ZNF710: variants seen among roughly 807,000 people sequenced by gnomAD.
The protein encoded by ZNF710 is zinc finger protein 710.
ZNF710 carries 13 observed loss-of-function variants against 50.6 expected under a neutral mutation model. The observed-to-expected ratio is 0.26, with a 90% CI of 0.17 to 0.41. ZNF710 has a LOEUF of 0.41. ZNF710 is among the 10% of genes least tolerant of loss of function. ZNF710 has a pLI of 1.00. For missense variants in ZNF710, 721 were observed against 936.6 expected, an observed-to-expected ratio of 0.77 and a Z score of 3.01; for synonymous variants, 383 against 397.0, an observed-to-expected ratio of 0.96 and a Z score of 0.42.
At chr15:90,022,068 C>G (rs1596270790) in intron 1 of ZNF710, among the ~76,000 whole-genome samples, 1 of 150,106 alleles carries the variant, frequency 6.7e-6, no homozygotes, top group Non-Finnish European at 1.5e-5. Context: ...GGTTACAGAG[C>G]GAGACTCTGT....
rs1950923242 is a variant in ZNF710 at position 90,047,272 on chromosome 15, T to C, written c.-28-19838T>C. ...CTAACGTGTGGCCCAGGCGAGCTGC[T>C]GAGTGCTAATAATAGCAGCAAACAC... On this transcript the variant is annotated intron_variant, in intron 1 of 4. Coordinates refer to ENST00000268154, the MANE Select transcript of ZNF710 (RefSeq NM_198526.4). 3.3e-5 allele frequency among the ~76,000 whole-genome samples: 5 copies of C among 152,342 alleles called. No homozygotes were observed. The South Asian group carries it at 8.3e-4, about 25-fold the overall frequency.
intron 1 of ZNF710, among the ~76,000 whole-genome samples, chr15:90,030,571 G>A (rs1391982064): frequency 6.6e-6 from 1 of 152,048 alleles, no homozygotes; most frequent in Non-Finnish European, 1.5e-5. Context: ...CTGAACATGT[G>A]CGCACAGAGT....
intron 1 of ZNF710, among the ~76,000 whole-genome samples, chr15:90,056,238 C>T (rs1157649861): frequency 3.9e-5 from 6 of 151,956 alleles, no homozygotes; most frequent in African/African-American, 1.5e-4. Context: ...GGAGAAACCC[C>T]GTCTCTACTA....
chr15:90,041,304 C>T (rs1899288510), intron 1 of ZNF710, among the ~76,000 whole-genome samples: 1 of 152,152 alleles, frequency 6.6e-6, no homozygotes, highest in South Asian at 2.1e-4. Context: ...GATCTTCCCA[C>T]CTCAGCCTCC....
At chr15:90,032,154 C>T (rs544257674) in intron 1 of ZNF710, among the ~76,000 whole-genome samples, 186 of 152,278 alleles carry the variant, frequency 1.2e-3, no homozygotes, top group Non-Finnish European at 1.6e-3. Context: ...CCTGCCACCA[C>T]GCCTAGCTAA....
Position 90,022,684 on chromosome 15 carries a change from G to A in ZNF710, c.-29+21070G>A, listed in dbSNP as rs533706130. 2.9e-3 allele frequency among the ~76,000 whole-genome samples: 440 copies of A among 152,294 alleles called. 2 individuals are homozygous for A. The highest frequency in any genetic ancestry group is 0.01 in the African/African-American group (416 of 41,570). Reference sequence around the variant, plus strand: ...CTTTGGAAATGTTGACCTGAGAGACGAGAAACCCCTCAGAGGAATACATAT... The same window carrying A: ...CTTTGGAAATGTTGACCTGAGAGACAAGAAACCCCTCAGAGGAATACATAT... On this transcript the variant is annotated intron_variant, in intron 1 of 4. Coordinates refer to ENST00000268154, the MANE Select transcript of ZNF710 (RefSeq NM_198526.4).
intron 1 of ZNF710, among the ~76,000 whole-genome samples, chr15:90,058,313 A>G (rs1006629380): frequency 6.6e-6 from 1 of 152,138 alleles, no homozygotes; most frequent in Non-Finnish European, 1.5e-5. Context: ...GGTCACTGAG[A>G]GTGTGCATCT....
At chr15:90,020,557 G>A (rs376880501) in intron 1 of ZNF710, among the ~76,000 whole-genome samples, 1 of 152,208 alleles carries the variant, frequency 6.6e-6, no homozygotes, top group East Asian at 1.9e-4. Context: ...ACAAACCCCA[G>A]CCCCTTGAGA....
chr15:90,034,623 G>T lies in ZNF710; in HGVS notation c.-28-32487G>T, dbSNP rs72758609. ...CTGGCAGCTTGGCTGAGCCTCCTCCGGCCTCTGCCTCACCCGCCAGCTCTT... is the reference window on the plus strand; with the variant it reads ...CTGGCAGCTTGGCTGAGCCTCCTCCTGCCTCTGCCTCACCCGCCAGCTCTT... On this transcript the variant is annotated intron_variant, in intron 1 of 4. Coordinates refer to ENST00000268154, the MANE Select transcript of ZNF710 (RefSeq NM_198526.4). The surrounding 1 kb of genome is among the most constrained non-coding windows in gnomAD (Gnocchi z 4.0). Among the ~76,000 whole-genome samples, 1 of 152,138 alleles carries T rather than the reference G, an allele frequency of 6.6e-6. No homozygotes were observed. Among genetic ancestry groups the T allele is most frequent in the South Asian group, 2.1e-4 (1 of 4,822 alleles).
chr15:90,074,546 AAC>A, intron 4 of ZNF710: 2 of 1,422,674 alleles, frequency 1.4e-6, no homozygotes, highest in South Asian at 2.5e-5. Context: ...ATTGAGTGCT[AAC>A]TGTGTGCCAG....
At chr15:90,043,638 G>A (rs922182570) in intron 1 of ZNF710, among the ~76,000 whole-genome samples, 2 of 152,234 alleles carry the variant, frequency 1.3e-5, no homozygotes, top group Non-Finnish European at 2.9e-5. Flanking sequence ...AAGAAGAAAG[G>A]GTTTGCATTG....
intron 1 of ZNF710, among the ~76,000 whole-genome samples, chr15:90,050,454 G>A (rs146987995): frequency 2.8e-4 from 42 of 152,294 alleles, no homozygotes; most frequent in African/African-American, 9.9e-4. Flanking sequence ...CTCTCTGGCT[G>A]GGTCTATGGG....
intron 2 of ZNF710, among the ~76,000 whole-genome samples, chr15:90,069,161 GA>G (rs1177069665): frequency 2.1e-4 from 32 of 149,334 alleles, no homozygotes; most frequent in Non-Finnish European, 4.3e-4. Flanking sequence ...CCGGGAGGCA[GA>G]GGTTGCAGTC....
intron 2 of ZNF710, among the ~76,000 whole-genome samples, chr15:90,069,265 G>A (rs531896882): frequency 1.3e-5 from 2 of 151,504 alleles, no homozygotes; most frequent in South Asian, 4.2e-4. Flanking sequence ...AACATTAGCC[G>A]GGTGTGGTGG....
chr15:90,028,815 A>C (rs1898850935), intron 1 of ZNF710, among the ~76,000 whole-genome samples: 1 of 152,208 alleles, frequency 6.6e-6, no homozygotes, highest in Non-Finnish European at 1.5e-5. Flanking sequence ...GATTACGGAC[A>C]TGCAAGATGG....
chr15:90,045,521 C>T (rs995266521), intron 1 of ZNF710: 5 of 542,354 alleles, frequency 9.2e-6, no homozygotes, highest in African/African-American at 8.3e-5. Flanking sequence ...AAGGCCTGAG[C>T]CCAGGGGCCG....
intron 1 of ZNF710, among the ~76,000 whole-genome samples, chr15:90,042,681 G>A (rs1567231381): frequency 6.6e-6 from 1 of 152,216 alleles, no homozygotes; most frequent in Non-Finnish European, 1.5e-5. Context: ...AGACAAAGAA[G>A]GGGGACAGGG....
In ZNF710 at chr15:90,049,054, G is replaced by A. The variant is rs563477352; in HGVS notation, c.-28-18056G>A. ...ATTTAGATATTTTTAGTGATAGTGA[G>A]AACATGTCAAATGTTTAGGGGCCCT... On this transcript the variant is annotated intron_variant, in intron 1 of 4. Transcript: ENST00000268154. Among the ~76,000 whole-genome samples the A allele has an allele frequency of 3.3e-5, 5 of 152,304 alleles. No individual in the cohort carries two copies. The East Asian group carries it at 9.6e-4, about 29-fold the overall frequency.
Position 90,020,535 on chromosome 15 carries a change from A to AAAAACAAAAACACAAACC in ZNF710, c.-29+18922_-29+18939dup, listed in dbSNP as rs1898585268. Among the ~76,000 whole-genome samples the AAAAACAAAAACACAAACC allele has an allele frequency of 2.0e-5, 3 of 152,272 alleles. No homozygotes were observed. In the South Asian group the frequency reaches 6.2e-4, roughly 32 times the overall value. Reference sequence around the variant, plus strand: ...CCAGCTGCTGCCGGGATGGGTTACAAAAAACAAAAACACAAACCCCAGCCC... The same window carrying AAAAACAAAAACACAAACC: ...CCAGCTGCTGCCGGGATGGGTTACAAAAAACAAAAACACAAACCAAAACAAAAACACAAACCCCAGCCC... On this transcript the variant is annotated intron_variant, in intron 1 of 4. Coordinates refer to ENST00000268154, the MANE Select transcript of ZNF710 (RefSeq NM_198526.4).
Sources: allele counts gnomAD v4.1 joint callset (sites outside exome capture counted in the v4.1 genomes callset), GRCh38; gene constraint gnomAD v4.1.1; non-coding constraint Gnocchi (gnomAD v3.1); transcripts MANE v1.5; gene names NCBI Gene and HGNC (gene_info 2026-07-23, HGNC 2026-07-21).